RABGAP1: variants seen among roughly 807,000 people sequenced by gnomAD.
RABGAP1 encodes the protein rab GTPase-activating protein 1.
Under a neutral mutation model 137.6 loss-of-function variants are expected in RABGAP1, and 23 were observed. The ratio of observed to expected loss-of-function variants is 0.17; its 90% CI spans 0.12 to 0.24. RABGAP1 has a LOEUF of 0.24. Ranked by LOEUF, RABGAP1 falls within the 10% of genes least tolerant of loss-of-function variation. The pLI, the probability that RABGAP1 is intolerant of heterozygous loss-of-function variation, is 1.00. For missense variants in RABGAP1, 906 were observed against 1,275.8 expected, an observed-to-expected ratio of 0.71 and a Z score of 4.42; for synonymous variants, 451 against 450.7, an observed-to-expected ratio of 1.00 and a Z score of -0.01.
intron 2 of RABGAP1, among the ~76,000 whole-genome samples, chr9:122,968,655 C>G (rs1835305957): frequency 6.6e-6 from 1 of 152,080 alleles, no homozygotes; most frequent in Non-Finnish European, 1.5e-5. Context: ...TGCTCTGTCA[C>G]CCACGCTGGA....
At chr9:122,966,788 T>TTGG in intron 2 of RABGAP1, among the ~76,000 whole-genome samples, 1 of 152,234 alleles carries the variant, frequency 6.6e-6, no homozygotes, top group Non-Finnish European at 1.5e-5. Flanking sequence ...GGACTTACAG[T>TTGG]TCCACACATC....
At chr9:122,948,409 CT>C (rs1834053275) in intron 1 of RABGAP1, among the ~76,000 whole-genome samples, 1 of 152,140 alleles carries the variant, frequency 6.6e-6, no homozygotes, top group Non-Finnish European at 1.5e-5. Context: ...ACAATTTTCT[CT>C]CTGAACTTAA....
At chr9:123,058,130 T>C (rs199630927) in intron 13 of RABGAP1, among the ~76,000 whole-genome samples, 7 of 152,074 alleles carry the variant, frequency 4.6e-5, no homozygotes, top group East Asian at 1.9e-4. Flanking sequence ...GAAACTGTCT[T>C]TTCTCCCTTA....
intron 2 of RABGAP1, among the ~76,000 whole-genome samples, chr9:122,959,053 A>G (rs1208483976): frequency 6.6e-6 from 1 of 152,152 alleles, no homozygotes; most frequent in Non-Finnish European, 1.5e-5. Context: ...ATATAGAGGA[A>G]TAAATAAAAA....
At chr9:122,951,984 TG>T (rs1394696448) in intron 1 of RABGAP1, among the ~76,000 whole-genome samples, 7 of 152,214 alleles carry the variant, frequency 4.6e-5, no homozygotes, top group African/African-American at 1.7e-4. Context: ...AAAAAGTTCA[TG>T]GAGTTTTGGT....
chr9:122,977,731 G>A (rs1410297200), intron 2 of RABGAP1, among the ~76,000 whole-genome samples: 4 of 152,076 alleles, frequency 2.6e-5, no homozygotes, highest in Non-Finnish European at 5.9e-5. Context: ...AAAGCAGGAA[G>A]AGGATCAGTG....
intron 13 of RABGAP1, among the ~76,000 whole-genome samples, chr9:123,060,800 C>T (rs780190327): frequency 2.0e-5 from 3 of 152,146 alleles, no homozygotes; most frequent in South Asian, 4.1e-4. Flanking sequence ...TACTACACTG[C>T]ATAGACAGGA....
chr9:123,052,409 T>C (rs933878993), intron 13 of RABGAP1, among the ~76,000 whole-genome samples: 3 of 152,238 alleles, frequency 2.0e-5, no homozygotes, highest in African/African-American at 7.2e-5. Flanking sequence ...AAAATTTCTT[T>C]TAGATCTTTT....
intron 3 of RABGAP1, 105 bp downstream of exon 3, chr9:122,984,824 C>T: frequency 1.1e-6 from 1 of 912,590 alleles, no homozygotes; most frequent in Non-Finnish European, 1.6e-6. Flanking sequence ...CCATTGTCTA[C>T]AAAAACAGGC....
chr9:123,090,700 AT>A (rs1425028678), intron 21 of RABGAP1, among the ~76,000 whole-genome samples: 1 of 152,206 alleles, frequency 6.6e-6, no homozygotes, highest in Non-Finnish European at 1.5e-5. Flanking sequence ...AATCATTATA[AT>A]TACGTTAACC....
intron 19 of RABGAP1, among the ~76,000 whole-genome samples, chr9:123,081,330 G>A (rs1448997702): frequency 1.3e-5 from 2 of 152,174 alleles, no homozygotes; most frequent in Non-Finnish European, 2.9e-5. Context: ...CCCCTAACTC[G>A]TGTTGTTCAA....
At chr9:122,956,044 A>G (rs1834498193) in intron 1 of RABGAP1, among the ~76,000 whole-genome samples, 1 of 152,226 alleles carries the variant, frequency 6.6e-6, no homozygotes, top group Non-Finnish European at 1.5e-5. Flanking sequence ...GACTCAATAA[A>G]TAATTGAATG....
intron 11 of RABGAP1, 46 bp downstream of exon 11, chr9:123,010,574 A>G (rs762150836): frequency 1.3e-6 from 2 of 1,527,594 alleles, no homozygotes; most frequent in South Asian, 1.2e-5. Context: ...GTGGAAGACC[A>G]TGCAAACTAT....
At chr9:123,021,807 T>C (rs2031657639) in intron 13 of RABGAP1, among the ~76,000 whole-genome samples, 1 of 152,246 alleles carries the variant, frequency 6.6e-6, no homozygotes, top group African/African-American at 2.4e-5. Flanking sequence ...GAGTAACTGT[T>C]ACAACCACAG....
chr9:123,066,856 C>T (rs771092870), intron 14 of RABGAP1, among the ~76,000 whole-genome samples: 8 of 152,122 alleles, frequency 5.3e-5, no homozygotes, highest in South Asian at 2.1e-4. Context: ...AAATTTCAAA[C>T]GTAAACATTA....
chr9:122,979,299 G>A (rs1055008830), intron 2 of RABGAP1, among the ~76,000 whole-genome samples: 2 of 152,132 alleles, frequency 1.3e-5, no homozygotes, highest in African/African-American at 4.8e-5. Context: ...TTTGCCATCT[G>A]TGTATCTTTG....
chr9:123,034,018 G>C (rs968531389), intron 13 of RABGAP1, among the ~76,000 whole-genome samples: 2 of 152,160 alleles, frequency 1.3e-5, no homozygotes, highest in South Asian at 2.1e-4. Flanking sequence ...ATACAGTACA[G>C]ATCAGTTGTG....
intron 13 of RABGAP1, among the ~76,000 whole-genome samples, chr9:123,043,404 G>T (rs944927488): frequency 6.6e-6 from 1 of 152,076 alleles, no homozygotes; most frequent in Non-Finnish European, 1.5e-5. Flanking sequence ...ATGGTGAGAA[G>T]AATTTAGTTT....
intron 13 of RABGAP1, among the ~76,000 whole-genome samples, chr9:123,048,199 A>G (rs1356034342): frequency 6.6e-6 from 1 of 152,082 alleles, no homozygotes; most frequent in Non-Finnish European, 1.5e-5. Flanking sequence ...TTGGCCTCCC[A>G]AAGTGTTAGG....
Sources: allele counts gnomAD v4.1 joint callset (sites outside exome capture counted in the v4.1 genomes callset), GRCh38; gene constraint gnomAD v4.1.1; transcripts MANE v1.5; gene names NCBI Gene and HGNC (gene_info 2026-07-23, HGNC 2026-07-21).